The following DYNC2I1 variants were observed in gnomAD, a reference collection of about 807,000 sequenced individuals.
The protein encoded by DYNC2I1 is cytoplasmic dynein 2 intermediate chain 1.
Under a neutral mutation model 133.4 loss-of-function variants are expected in DYNC2I1, and 89 were observed. The observed-to-expected ratio is 0.67, with a 90% CI of 0.56 to 0.80. The LOEUF (loss-of-function observed/expected upper bound fraction) is 0.80. Ranked by LOEUF, DYNC2I1 falls within the 30% of genes least tolerant of loss-of-function variation. DYNC2I1 has a pLI of 0.00. For synonymous variants in DYNC2I1, 504 were observed against 484.3 expected (o/e 1.04, Z -0.54); for missense variants, 1,291 against 1,314.5 (o/e 0.98, Z 0.28).
At chr7:158,878,259 C>T (rs1423906450) in intron 4 of DYNC2I1, among the ~76,000 whole-genome samples, 2 of 139,386 alleles carry the variant, frequency 1.4e-5, no homozygotes, top group African/African-American at 5.5e-5. Context: ...TGCTGGGTGC[C>T]ATGTGGAGAG....
intron 21 of DYNC2I1, among the ~76,000 whole-genome samples, chr7:158,931,857 C>T (rs903597914): frequency 6.6e-6 from 1 of 152,166 alleles, no homozygotes; most frequent in East Asian, 1.9e-4. Context: ...GTAAACATTA[C>T]GTGATTGCAG....
At chr7:158,847,294 A>T in the DYNC2I1 span, among the ~76,000 whole-genome samples, 3 of 152,186 alleles carry the variant, frequency 2.0e-5, no homozygotes, top group Non-Finnish European at 2.9e-5. Context: ...AAACACAAGG[A>T]TGTGGTTTTT....
intron 24 of DYNC2I1, among the ~76,000 whole-genome samples, chr7:158,942,569 G>A (rs2527197): frequency 0.84 from 128,362 of 152,308 alleles, 54,242 homozygotes; most frequent in East Asian, 0.95. Flanking sequence ...TTCATCATGC[G>A]GTATTTCCCC....
the DYNC2I1 span, among the ~76,000 whole-genome samples, chr7:158,847,441 GA>G: frequency 6.6e-6 from 1 of 151,636 alleles, no homozygotes; most frequent in Non-Finnish European, 1.5e-5. Context: ...AATGGATACA[GA>G]AAAAAAAGGC....
chr7:158,931,062 A>T (rs1202780828), intron 21 of DYNC2I1, among the ~76,000 whole-genome samples: 1 of 152,186 alleles, frequency 6.6e-6, no homozygotes, highest in African/African-American at 2.4e-5. Context: ...TTTCTTTTAA[A>T]TTGGTCTTAC....
chr7:158,845,197 A>G, the DYNC2I1 span, among the ~76,000 whole-genome samples: 1 of 152,136 alleles, frequency 6.6e-6, no homozygotes, highest in South Asian at 2.1e-4. Flanking sequence ...TTAATATCTC[A>G]TGGCTAGAGT....
At chr7:158,885,195 C>T (rs1844473016) in intron 6 of DYNC2I1, among the ~76,000 whole-genome samples, 1 of 152,102 alleles carries the variant, frequency 6.6e-6, no homozygotes, top group South Asian at 2.1e-4. Flanking sequence ...TTGGCAGAGA[C>T]CCCCAGAGCT....
chr7:158,881,393 C>A (rs554547844), intron 5 of DYNC2I1, among the ~76,000 whole-genome samples: 1 of 152,166 alleles, frequency 6.6e-6, no homozygotes. Flanking sequence ...TTAGTTGAGG[C>A]GGTCACTGAG....
chr7:158,915,580 C>T (rs62476479), intron 14 of DYNC2I1, among the ~76,000 whole-genome samples: 78 of 142,416 alleles, frequency 5.5e-4, no homozygotes, highest in South Asian at 6.7e-4. Context: ...AACCTCGACA[C>T]GCTGGTTGAG....
intron 14 of DYNC2I1, among the ~76,000 whole-genome samples, chr7:158,914,969 C>T (rs1847880747): frequency 6.6e-6 from 1 of 152,238 alleles, no homozygotes; most frequent in African/African-American, 2.4e-5. Context: ...ATTTCGCCAG[C>T]TGTCTCATCA....
intron 4 of DYNC2I1, among the ~76,000 whole-genome samples, chr7:158,953,446 A>T (rs1852113264): frequency 6.6e-6 from 1 of 152,266 alleles, no homozygotes; most frequent in Admixed American, 6.5e-5. Context: ...GTGAGATCAT[A>T]GTACAAGGTT....
intron 20 of DYNC2I1, among the ~76,000 whole-genome samples, chr7:158,929,667 G>A (rs1351845983): frequency 6.6e-6 from 1 of 152,224 alleles, no homozygotes; most frequent in Non-Finnish European, 1.5e-5. Context: ...CTGCAGGTTG[G>A]GCTTATTTCT....
intron 8 of DYNC2I1, among the ~76,000 whole-genome samples, chr7:158,894,054 CAT>C (rs778944780): frequency 3.5e-4 from 54 of 152,154 alleles, no homozygotes; most frequent in African/African-American, 6.0e-4. Flanking sequence ...TATTGTAACA[CAT>C]GTCACACCAC....
chr7:158,955,469 CAG>C (rs1373292562), intron 4 of DYNC2I1, among the ~76,000 whole-genome samples: 19 of 152,218 alleles, frequency 1.2e-4, no homozygotes, highest in African/African-American at 4.6e-4. Flanking sequence ...TCTACTATTT[CAG>C]AGTCTTGGGG....
In DYNC2I1 at chr7:158,876,643, C is replaced by T. The variant is rs941165527; in HGVS notation, c.525C>T (p.Asp175=). The part of the protein sequence containing the change: ...SKVRSEEKDE[D]SERGDEDRER... ...TAAGAAGTGAAGAGAAAGATGAAGACTCTGAAAGAGGAGATGAAGATAGAG... is the reference window on the plus strand; with the variant it reads ...TAAGAAGTGAAGAGAAAGATGAAGATTCTGAAAGAGGAGATGAAGATAGAG... Residue 175 remains aspartate (D), a synonymous_variant, in exon 4 of 25, where the codon GAC becomes GAT. Coordinates refer to ENST00000407559, the MANE Select transcript of DYNC2I1 (RefSeq NM_018051.5). The T allele has an allele frequency of 6.3e-6, 10 of 1,581,244 alleles. No individual in the cohort carries two copies. The highest frequency in any genetic ancestry group is 1.2e-5 in the South Asian group (1 of 84,250).
At chr7:158,886,105 A>G (rs887606619) in intron 6 of DYNC2I1, among the ~76,000 whole-genome samples, 53 of 151,202 alleles carry the variant, frequency 3.5e-4, no homozygotes, top group African/African-American at 1.2e-3. Flanking sequence ...AGATAGACCA[A>G]TAAAATTATA....
chr7:158,844,421 C>T, the DYNC2I1 span, among the ~76,000 whole-genome samples: 1 of 151,528 alleles, frequency 6.6e-6, no homozygotes, highest in Non-Finnish European at 1.5e-5. Flanking sequence ...CATGTTTACT[C>T]ATTTCCTTAA....
chr7:158,888,632 G>T (rs1234929050), intron 7 of DYNC2I1, among the ~76,000 whole-genome samples: 6 of 152,064 alleles, frequency 3.9e-5, no homozygotes, highest in Non-Finnish European at 5.9e-5. Flanking sequence ...ACCACACCCA[G>T]CTAATTTTTG....
Position 158,888,374 on chromosome 7 carries a change from A to C in DYNC2I1, c.990+1299A>C, listed in dbSNP as rs576728297. On this transcript the variant is annotated intron_variant, in intron 7 of 24. Transcript: ENST00000407559. ...TGGCAAGCATATTTTGGATTCTATG[A>C]ATTATTTCTGGAGAATAATTTTTTC... is the stretch of plus-strand genomic sequence containing the variant. Among the ~76,000 whole-genome samples, 10 of 151,812 alleles carry C rather than the reference A, an allele frequency of 6.6e-5. No homozygotes were observed. In the South Asian group the frequency reaches 2.1e-3, roughly 32 times the overall value.
Sources: gnomAD v4.1 joint callset for allele counts (sites outside exome capture counted in the v4.1 genomes callset) on GRCh38, gnomAD v4.1.1 for gene constraint, MANE v1.5 for transcripts, NCBI Gene and HGNC (gene_info 2026-07-23, HGNC 2026-07-21) for gene names.